The following SLC6A6 variants were observed in gnomAD, a reference collection of about 807,000 sequenced individuals.
SLC6A6 encodes the protein sodium- and chloride-dependent taurine transporter.
SLC6A6 carries 16 observed loss-of-function variants against 68.8 expected under a neutral mutation model. The ratio of observed to expected loss-of-function variants is 0.23; its 90% confidence interval spans 0.16 to 0.35. The LOEUF (loss-of-function observed/expected upper bound fraction) is 0.35. Among genes scored for constraint, SLC6A6 ranks in the 10% least tolerant of loss-of-function variants. SLC6A6 has a pLI of 1.00. For missense variants in SLC6A6, 474 were observed against 802.8 expected (o/e 0.59, Z 4.95); for synonymous variants, 312 against 315.4 (o/e 0.99, Z 0.12).
chr3:14,419,750 A>G (rs1465466182), intron 2 of SLC6A6, among the ~76,000 whole-genome samples: 1 of 152,166 alleles, frequency 6.6e-6, no homozygotes, highest in Non-Finnish European at 1.5e-5. Flanking sequence ...CATCAGTGCC[A>G]AGCACCCCAC....
chr3:14,479,337 G>A lies in SLC6A6; in HGVS notation c.1551+152G>A, dbSNP rs974049367. 1.6e-5 allele frequency: 10 copies of A among 612,662 alleles called. No individual in the cohort carries two copies. The South Asian group carries it at 1.7e-4, about 11-fold the overall frequency. The allele number at this position is 612,662 out of a possible 1,614,324, so 38.0% of individuals were successfully genotyped here. On this transcript the variant is annotated intron_variant, in intron 13 of 14. Transcript: ENST00000622186. ...CTGCCTGGGAGAGGGGAGGAAGGCT[G>A]CTCCAGGGAGTTAGCTTGAGTTGAG...
intron 1 of SLC6A6, among the ~76,000 whole-genome samples, chr3:14,412,614 TCGTGCCACCGCACTC>T (rs1699274814): frequency 6.6e-6 from 1 of 152,106 alleles, no homozygotes. Context: ...TGAGCTGAGA[TCGTGCCACCGCACTC>T]CAGCCTGGGT....
chr3:14,422,927 C>G (rs1431733524), intron 2 of SLC6A6, among the ~76,000 whole-genome samples: 3 of 152,204 alleles, frequency 2.0e-5, no homozygotes, highest in Non-Finnish European at 2.9e-5. Flanking sequence ...TCCTGCCAGT[C>G]CTGGACAAGG....
chr3:14,436,316 G>A (rs994594188), intron 2 of SLC6A6, among the ~76,000 whole-genome samples: 3 of 151,908 alleles, frequency 2.0e-5, no homozygotes, highest in Non-Finnish European at 2.9e-5. Context: ...TCCTCCTACC[G>A]CAGCCTCCTG....
intron 9 of SLC6A6, among the ~76,000 whole-genome samples, chr3:14,470,272 G>A: frequency 6.6e-6 from 1 of 152,232 alleles, no homozygotes; most frequent in Non-Finnish European, 1.5e-5. Context: ...CCACGGTGAT[G>A]TCTGAACAGC....
intron 10 of SLC6A6, among the ~76,000 whole-genome samples, chr3:14,474,529 C>T (rs1430158625): frequency 6.6e-6 from 1 of 152,224 alleles, no homozygotes; most frequent in Non-Finnish European, 1.5e-5. Context: ...ACTCCTAACT[C>T]CCCAGTTTGC....
Position 14,479,135 on chromosome 3 carries a change from G to T in SLC6A6, c.1501G>T (p.Gly501Trp). The change falls in exon 13 of 15, where the codon GGG becomes TGG. Residue 501 changes from glycine (G) to tryptophan (W), a missense_variant. Physicochemically the swap from Gly to Trp is radical, Grantham distance 184. This residue lies in a region of SLC6A6 where 194 missense variants were observed against 269.8 expected (regional missense o/e 0.72). Transcript: ENST00000622186. ...GIEDMIGYRP[G>W]PWMKYSWAVI... ...TGAGGACATGATTGGCTATCGGCCC[G>T]GGCCCTGGATGAAGTACAGCTGGGC... 1 of 1,613,626 alleles carries T rather than the reference G, an allele frequency of 6.2e-7. No individual in the cohort carries two copies. The highest frequency in any genetic ancestry group is 8.5e-7 in the Non-Finnish European group (1 of 1,179,562).
intron 2 of SLC6A6, among the ~76,000 whole-genome samples, chr3:14,421,219 G>A (rs535175600): frequency 1.3e-5 from 2 of 152,288 alleles, no homozygotes; most frequent in African/African-American, 2.4e-5. Flanking sequence ...TTTCTCATTT[G>A]GGGGAGATGA....
intron 2 of SLC6A6, among the ~76,000 whole-genome samples, chr3:14,420,078 C>T (rs1436122721): frequency 6.6e-6 from 1 of 152,226 alleles, no homozygotes; most frequent in Admixed American, 6.5e-5. Flanking sequence ...TCAACATTCG[C>T]TTCCTAGAAG....
intron 2 of SLC6A6, among the ~76,000 whole-genome samples, chr3:14,431,083 T>C (rs1014868964): frequency 1.3e-4 from 7 of 53,092 alleles, no homozygotes; most frequent in Admixed American, 1.1e-3. Context: ...TGCTCAGGAA[T>C]GGACATCGTT....
At chr3:14,407,014 G>T (rs1267031927) in intron 1 of SLC6A6, among the ~76,000 whole-genome samples, 3 of 151,664 alleles carry the variant, frequency 2.0e-5, no homozygotes, top group Admixed American at 6.6e-5. Context: ...ACCTCCAGGG[G>T]GATGGAGCCT....
At chr3:14,474,061 A>T (rs1700815458) in intron 10 of SLC6A6, among the ~76,000 whole-genome samples, 1 of 152,222 alleles carries the variant, frequency 6.6e-6, no homozygotes, top group Non-Finnish European at 1.5e-5. Flanking sequence ...CCTACTTTGC[A>T]GAGCGAGGAA....
intron 6 of SLC6A6, among the ~76,000 whole-genome samples, chr3:14,465,077 G>T (rs925065943): frequency 1.3e-5 from 2 of 152,166 alleles, no homozygotes; most frequent in Admixed American, 1.3e-4. Context: ...GTGGGCTTGT[G>T]CCTGGGACGT....
At chr3:14,447,887 C>A in intron 5 of SLC6A6, 71 bp downstream of exon 5, 2 of 1,578,286 alleles carry the variant, frequency 1.3e-6, no homozygotes, top group Non-Finnish European at 1.7e-6. Context: ...TTCCTTATCT[C>A]CTCCCCTGGG....
At chr3:14,420,376 G>A (rs1406655488) in intron 2 of SLC6A6, among the ~76,000 whole-genome samples, 1 of 152,170 alleles carries the variant, frequency 6.6e-6, no homozygotes, top group Non-Finnish European at 1.5e-5. Flanking sequence ...CCAGTGGCCA[G>A]TTTGCTGACC....
chr3:14,403,079 T>A (rs1332480119), intron 1 of SLC6A6, among the ~76,000 whole-genome samples: 4 of 1,908 alleles, frequency 2.1e-3, no homozygotes, highest in African/African-American at 3.1e-3. Flanking sequence ...GGCAGGAGAG[T>A]GTGTGTGTGT....
At chr3:14,484,307 C>G (rs1477863338) in intron 14 of SLC6A6, among the ~76,000 whole-genome samples, 1 of 152,176 alleles carries the variant, frequency 6.6e-6, no homozygotes, top group Non-Finnish European at 1.5e-5. Context: ...TTCTCCAAGC[C>G]CTTAAGATGT....
intron 13 of SLC6A6, among the ~76,000 whole-genome samples, chr3:14,480,082 C>T (rs186665481): frequency 4.6e-4 from 70 of 152,338 alleles, no homozygotes; most frequent in African/African-American, 1.6e-3. Context: ...CAAGTCACTT[C>T]CCTCTGTGAG....
At chr3:14,469,733 C>T (rs975826203) in intron 9 of SLC6A6, among the ~76,000 whole-genome samples, 32 of 152,284 alleles carry the variant, frequency 2.1e-4, no homozygotes, top group African/African-American at 7.5e-4. Flanking sequence ...TTGTGACCTC[C>T]CAGAGCCCCT....
Sources: gnomAD v4.1 joint callset for allele counts (sites outside exome capture counted in the v4.1 genomes callset) on GRCh38, gnomAD v4.1.1 for gene constraint, gnomAD v4.1.1 regional missense constraint, MANE v1.5 for transcripts, NCBI Gene and HGNC (gene_info 2026-07-23, HGNC 2026-07-21) for gene names.